TES: variants seen among roughly 807,000 people sequenced by gnomAD.
TES encodes the protein testin LIM domain protein.
Under a neutral mutation model 48.2 loss-of-function variants are expected in TES, and 41 were observed. The observed-to-expected ratio is 0.85, with a 90% confidence interval of 0.66 to 1.10. The LOEUF is 1.10. TES is among the 50% of genes least tolerant of loss of function. The pLI is 0.00. For synonymous variants in TES, 162 were observed against 174.9 expected (o/e 0.93, Z 0.58); for missense variants, 463 against 515.1 (o/e 0.90, Z 0.98).
Position 116,252,313 on chromosome 7 carries a change from C to T in TES, c.919-5C>T. On this transcript the variant is annotated splice_polypyrimidine_tract_variant and splice_region_variant and intron_variant, in intron 5 of 6. Coordinates refer to ENST00000358204, the MANE Select transcript of TES (RefSeq NM_015641.4). ...AATCCATCTTTATTTTTATCTTCTT[C>T]CTAGCTGATATTCAGCAATGAGTAT... is the stretch of plus-strand genomic sequence containing the variant. The T allele has an allele frequency of 6.3e-7, 1 of 1,598,542 alleles. No individual in the cohort carries two copies. The highest frequency in any genetic ancestry group is 8.6e-7 in the Non-Finnish European group (1 of 1,168,184).
rs770118920 is a variant in TES, at chr7:116,250,366, A to C, written c.572A>C (p.Asp191Ala). The stretch of plus-strand genomic sequence containing the variant: ...AAGAGCGAAGCTCTGGGAGTAGGAG[A>C]TGTCAAACTTCCCTGTGAGATGGAT... ...KYKSEALGVG[D>A]VKLPCEMDAQ... is the part of the protein sequence containing the mutation. Residue 191 changes from aspartate (D) to alanine (A), a missense_variant, in exon 4 of 7, where the codon GAT (aspartate) becomes GCT (alanine). By Grantham distance (126) the Asp-to-Ala change is moderately radical (BLOSUM62 -2). Transcript: ENST00000358204. 6.2e-7 allele frequency: 1 copy of C among 1,613,976 alleles called. No individual in the cohort carries two copies. The highest frequency in any genetic ancestry group is 1.7e-5 in the Admixed American group (1 of 59,988).
intron 3 of TES, 142 bp downstream of exon 3, chr7:116,249,414 C>G (rs1799972583): frequency 2.0e-6 from 2 of 982,672 alleles, no homozygotes; most frequent in African/African-American, 3.3e-5. Flanking sequence ...CTTCTGATTC[C>G]TGTTCTAGTC....
chr7:116,235,485 G>A (rs1285900697), intron 2 of TES, among the ~76,000 whole-genome samples: 4 of 152,172 alleles, frequency 2.6e-5, no homozygotes, highest in African/African-American at 9.7e-5. Flanking sequence ...TGGTTTGAAT[G>A]AAGTGCATAT....
At chr7:116,254,590 G>T (rs1364553296) in intron 6 of TES, among the ~76,000 whole-genome samples, 1 of 151,980 alleles carries the variant, frequency 6.6e-6, no homozygotes, top group Non-Finnish European at 1.5e-5. Flanking sequence ...AAAAAAATTA[G>T]CTGGGCGTGG....
chr7:116,235,681 A>G (rs928919394), intron 2 of TES, among the ~76,000 whole-genome samples: 1 of 152,098 alleles, frequency 6.6e-6, no homozygotes, highest in African/African-American at 2.4e-5. Flanking sequence ...ATTAGCAGGA[A>G]AAAAAAATAA....
intron 6 of TES, among the ~76,000 whole-genome samples, chr7:116,253,421 CT>C (rs543072464): frequency 3.4e-4 from 51 of 151,354 alleles, no homozygotes; most frequent in South Asian, 1.3e-3. Flanking sequence ...TACTTTAGAC[CT>C]TTTTTTTTGT....
chr7:116,230,634 C>T (rs1041331823), intron 1 of TES, among the ~76,000 whole-genome samples: 1 of 152,154 alleles, frequency 6.6e-6, no homozygotes, highest in Non-Finnish European at 1.5e-5. Flanking sequence ...GGATGTCATC[C>T]TCTGTTAAGC....
chr7:116,229,024 A>G (rs1216546088), intron 1 of TES, among the ~76,000 whole-genome samples: 4 of 137,096 alleles, frequency 2.9e-5, no homozygotes, highest in Admixed American at 7.3e-5. Flanking sequence ...ATATATATAT[A>G]TATATATATA....
intron 4 of TES, chr7:116,251,485 A>T (rs943847460): frequency 1.4e-5 from 5 of 356,280 alleles, no homozygotes; most frequent in South Asian, 2.6e-5. Flanking sequence ...GATTGAGACC[A>T]TCCTGGCTAA....
At chr7:116,221,952 C>A (rs1055946851) in intron 1 of TES, among the ~76,000 whole-genome samples, 1 of 152,114 alleles carries the variant, frequency 6.6e-6, no homozygotes, top group African/African-American at 2.4e-5. Context: ...GTGGTATAGT[C>A]TAAATATAGA....
intron 2 of TES, among the ~76,000 whole-genome samples, chr7:116,247,043 C>A (rs1311827922): frequency 1.4e-5 from 2 of 144,686 alleles, no homozygotes; most frequent in Non-Finnish European, 3.0e-5. Flanking sequence ...GAATGAATGT[C>A]TGTGTGCCAG....
chr7:116,212,455 T>C (rs528906523), intron 1 of TES, among the ~76,000 whole-genome samples: 34 of 152,332 alleles, frequency 2.2e-4, no homozygotes, highest in South Asian at 4.1e-4. Context: ...TGTACTGCAC[T>C]GATACGGGTT....
In TES at chr7:116,250,443, G is replaced by C. The variant is rs757346397; in HGVS notation, c.649G>C (p.Ala217Pro). ...TCCTGGAGGGGATAGAAGCACCCCA[G>C]CAGCAGTGGGGGCCATGGAGGACAA... ...NIPGGDRSTP[A>P]AVGAMEDKSA... The change falls in exon 4 of 7, where the codon GCA becomes CCA. Residue 217 changes from alanine to proline, a missense_variant. Physicochemically the swap from Ala to Pro is conservative, Grantham distance 27. Coordinates refer to ENST00000358204, the MANE Select transcript of TES (RefSeq NM_015641.4). 1.3e-6 allele frequency: 2 copies of C among 1,597,554 alleles called. No homozygotes were observed. Among genetic ancestry groups the C allele is most frequent in the Non-Finnish European group, 1.7e-6 (2 of 1,172,718 alleles).
In TES at chr7:116,250,191, G is replaced by A; in HGVS notation, c.397G>A (p.Glu133Lys). 6.4e-7 allele frequency: 1 copy of A among 1,560,122 alleles called. No homozygotes were observed. Among genetic ancestry groups the A allele is most frequent in the Non-Finnish European group, 8.6e-7 (1 of 1,157,882 alleles). Residue 133 changes from glutamate to lysine, a missense_variant, in exon 4 of 7, where the codon GAA becomes AAA. Transcript: ENST00000358204. ...ARQYMQMLPK[E>K]KQPVAGSEGA... Reference sequence around the variant, plus strand: ...GCAGTACATGCAGATGCTACCCAAGGAAAAGCAGCCAGTAGCAGGCTCAGA... The same window carrying A: ...GCAGTACATGCAGATGCTACCCAAGAAAAAGCAGCCAGTAGCAGGCTCAGA...
chr7:116,252,557 T>G (rs1800034174), intron 6 of TES, 81 bp downstream of exon 6: 1 of 1,603,836 alleles, frequency 6.2e-7, no homozygotes, highest in African/African-American at 1.3e-5. Context: ...CTCTTACAAA[T>G]GGGAAACAGA....
intron 2 of TES, among the ~76,000 whole-genome samples, chr7:116,247,121 T>C (rs1283851508): frequency 6.6e-6 from 1 of 151,670 alleles, no homozygotes; most frequent in Non-Finnish European, 1.5e-5. Context: ...GAGCACATGG[T>C]AGGTGGCAAT....
intron 1 of TES, among the ~76,000 whole-genome samples, chr7:116,226,367 G>A (rs1217828247): frequency 6.6e-6 from 1 of 152,136 alleles, no homozygotes; most frequent in African/African-American, 2.4e-5. Context: ...GTATCACAGA[G>A]TTACTGACAT....
rs546668316 is a variant in TES, at chr7:116,253,428, T to G, written c.1077+952T>G. ...AACCATTCTACTTTAGACCTTTTTTTTTGTTGTTATTTTGACTATTGCAGT... is the reference window on the plus strand; with the variant it reads ...AACCATTCTACTTTAGACCTTTTTTGTTGTTGTTATTTTGACTATTGCAGT... On this transcript the variant is annotated intron_variant, in intron 6 of 6. Transcript: ENST00000358204. Among the ~76,000 whole-genome samples, 160 of 152,328 alleles carry G rather than the reference T, an allele frequency of 1.1e-3. 1 individual carries two copies. The highest frequency in any genetic ancestry group is 1.7e-3 in the South Asian group (8 of 4,830).
At chr7:116,254,996 T>C (rs1476785032) in intron 6 of TES, 1 of 130,206 alleles carries the variant, frequency 7.7e-6, no homozygotes, top group African/African-American at 3.1e-5. Context: ...GATCTTTTCA[T>C]CTTAAAGAGA....
Sources: gnomAD v4.1 joint callset for allele counts (sites outside exome capture counted in the v4.1 genomes callset) on GRCh38, gnomAD v4.1.1 for gene constraint, MANE v1.5 for transcripts, NCBI Gene and HGNC (gene_info 2026-07-23, HGNC 2026-07-21) for gene names.